Variants in TNRC6A observed in about 807,000 individuals in gnomAD.
TNRC6A encodes trinucleotide repeat containing adaptor 6A.
In TNRC6A, 44 loss-of-function variants were observed where a neutral mutation model predicts 221.2. That is an observed-to-expected ratio of 0.20 (90% CI 0.16 to 0.26). TNRC6A has a LOEUF of 0.26. Ranked by LOEUF, TNRC6A falls within the 10% of genes least tolerant of loss-of-function variation. TNRC6A has a pLI of 1.00. For missense variants in TNRC6A, 2,199 were observed against 2,404.4 expected, an observed-to-expected ratio of 0.91 and a Z score of 1.79; for synonymous variants, 847 against 838.5, an observed-to-expected ratio of 1.01 and a Z score of -0.18.
intron 11 of TNRC6A, among the ~76,000 whole-genome samples, chr16:24,802,070 G>T (rs756475589): frequency 7.9e-5 from 12 of 152,218 alleles, no homozygotes; most frequent in Non-Finnish European, 1.5e-4. Flanking sequence ...GACTGGAACA[G>T]TACTTCTTAG....
At chr16:24,663,099 T>A (rs1242627920) in intron 2 of TNRC6A, 3 of 153,780 alleles carry the variant, frequency 2.0e-5, no homozygotes, top group Non-Finnish European at 4.4e-5. Flanking sequence ...TTCAGTTTAC[T>A]CCAGAGGAAG....
chr16:24,706,236 T>C (rs917201156), intron 2 of TNRC6A, among the ~76,000 whole-genome samples: 19 of 152,312 alleles, frequency 1.2e-4, no homozygotes, highest in African/African-American at 4.1e-4. Flanking sequence ...AACCTTTAAT[T>C]TTATATCAAT....
intron 2 of TNRC6A, among the ~76,000 whole-genome samples, chr16:24,652,169 G>T (rs1368508009): frequency 6.6e-6 from 1 of 151,796 alleles, no homozygotes; most frequent in Non-Finnish European, 1.5e-5. Context: ...TAAGAAGAAC[G>T]CATGTATGTA....
rs762092889 is a variant in TNRC6A, at chr16:24,794,612, T to TGGGAAG, written c.3422_3427dup (p.Glu1142_Glu1143insGlyGlu). 3.7e-6 allele frequency: 6 copies of TGGGAAG among 1,613,976 alleles called. No individual in the cohort carries two copies. The highest frequency in any genetic ancestry group is 5.1e-6 in the Non-Finnish European group (6 of 1,179,982). On this transcript the variant is annotated inframe_insertion, in exon 8 of 25. Transcript: ENST00000395799. ...ATTGCCTGGAAATCGCCCCACTGGCTGGGAAGAGGAAGAGGATGTGGAGAT... is the reference window on the plus strand; with the variant it reads ...ATTGCCTGGAAATCGCCCCACTGGCTGGGAAGGGGAAGAGGAAGAGGATGTGGAGAT...
At chr16:24,668,965 CGTT>C (rs994391386) in intron 2 of TNRC6A, among the ~76,000 whole-genome samples, 2 of 151,824 alleles carry the variant, frequency 1.3e-5, no homozygotes, top group African/African-American at 2.4e-5. Flanking sequence ...CAATTAGTCT[CGTT>C]GTTTTTATTT....
intron 1 of TNRC6A, among the ~76,000 whole-genome samples, chr16:24,631,636 G>A (rs1330969642): frequency 6.6e-6 from 1 of 152,010 alleles, no homozygotes; most frequent in Non-Finnish European, 1.5e-5. Flanking sequence ...GCCTGGCGTG[G>A]TGGCGCACGC....
chr16:24,653,439 G>T (rs1902774079), intron 2 of TNRC6A, among the ~76,000 whole-genome samples: 1 of 152,114 alleles, frequency 6.6e-6, no homozygotes, highest in Non-Finnish European at 1.5e-5. Flanking sequence ...AAATACATCA[G>T]AAATACAAAG....
intron 14 of TNRC6A, 141 bp from the exon 15 acceptor site, chr16:24,805,464 A>C: frequency 4.1e-6 from 5 of 1,225,800 alleles, no homozygotes; most frequent in Non-Finnish European, 5.7e-6. Context: ...GTGGTCAGTT[A>C]GTAAGACAGA....
intron 11 of TNRC6A, 97 bp downstream of exon 11, chr16:24,798,063 G>A: frequency 9.5e-7 from 1 of 1,051,738 alleles, no homozygotes; most frequent in South Asian, 1.7e-5. Context: ...ATCAGGACAG[G>A]GGAGGCTGTG....
At chr16:24,815,358 T>A (rs1382437127) in intron 19 of TNRC6A, 53 bp downstream of exon 19, 1 of 1,590,960 alleles carries the variant, frequency 6.3e-7, no homozygotes, top group Non-Finnish European at 8.6e-7. Context: ...CATTAAGGTT[T>A]TGTTACATCT....
chr16:24,747,493 C>T (rs1249254807), intron 2 of TNRC6A, among the ~76,000 whole-genome samples: 2 of 151,818 alleles, frequency 1.3e-5, no homozygotes, highest in African/African-American at 4.8e-5. Context: ...GTGCATCAAA[C>T]AGGGTGGCCC....
In TNRC6A at chr16:24,789,557, C is replaced by A; in HGVS notation, c.915C>A (p.Gly305=). ...FVVGSSSNNV[G]HGSSTGPWGF... is the part of the protein sequence containing the mutation. ...TTGGTAGCAGCAGCAATAATGTGGG[C>A]CATGGAAGTAGTACTGGGCCATGGG... Residue 305 remains glycine, a synonymous_variant, in exon 6 of 25, where the codon GGC becomes GGA. Transcript: ENST00000395799. 6.2e-7 allele frequency: 1 copy of A among 1,614,004 alleles called. No individual in the cohort carries two copies. The highest frequency in any genetic ancestry group is 8.5e-7 in the Non-Finnish European group (1 of 1,180,010).
At chr16:24,792,453 A>T (rs909998476) in intron 6 of TNRC6A, among the ~76,000 whole-genome samples, 2 of 151,964 alleles carry the variant, frequency 1.3e-5, no homozygotes, top group African/African-American at 4.8e-5. Context: ...GGAAGTGGAT[A>T]TGGGAGTGCT....
rs201128052 is a variant in TNRC6A, at chr16:24,757,455, C to CG, written c.142-884_142-883insG. 9.6e-4 allele frequency among the ~76,000 whole-genome samples: 146 copies of CG among 152,320 alleles called. 3 individuals carry two copies. In the East Asian group the frequency reaches 0.021, roughly 22 times the overall value. On this transcript the variant is annotated intron_variant, in intron 3 of 24. Coordinates refer to ENST00000395799, the MANE Select transcript of TNRC6A (RefSeq NM_014494.4). ...GAAACAACAACTGGTTATTCAGTTA[C>CG]TAATTATTCAGTCTTTTCTCACCTC... is the stretch of plus-strand genomic sequence containing the variant.
chr16:24,776,438 C>T, intron 4 of TNRC6A: 1 of 985,368 alleles, frequency 1.0e-6, no homozygotes, highest in East Asian at 1.1e-4. Context: ...TGTAAGAAAA[C>T]CAGCAGGTTG....
rs1409409183 is a variant in TNRC6A, at chr16:24,729,702, G to T, written c.-140G>T. On this transcript the variant is annotated 5_prime_UTR_variant, in exon 1 of 25. Transcript: ENST00000395799. ...GGCGGTGTCGGCGGCGGCGGCGGCG[G>T]CGGCGGCGGCGGCGGCAGCGGGTCG... 95 of 1,043,162 alleles carry T rather than the reference G, an allele frequency of 9.1e-5. 1 individual carries two copies. The highest frequency in any genetic ancestry group is 1.3e-4 in the East Asian group (4 of 30,350). The allele number at this position is 1,043,162 out of a possible 1,614,324, so 64.6% of individuals were successfully genotyped here.
At chr16:24,789,149 T>C in intron 5 of TNRC6A, 83 bp from the exon 6 acceptor site, 1 of 1,333,062 alleles carries the variant, frequency 7.5e-7, no homozygotes, top group Non-Finnish European at 1.0e-6. Context: ...ATTTATAACA[T>C]ATTCGTCATT....
chr16:24,715,070 G>A (rs529165436), intron 2 of TNRC6A, among the ~76,000 whole-genome samples: 1 of 151,636 alleles, frequency 6.6e-6, no homozygotes, highest in South Asian at 2.1e-4. Flanking sequence ...TAGAGACGGG[G>A]TTTCACCGTG....
At chr16:24,670,890 A>G in intron 2 of TNRC6A, 1 of 261,290 alleles carries the variant, frequency 3.8e-6, no homozygotes, top group South Asian at 3.1e-5. Context: ...CGTTTCTCTC[A>G]CCTCCCCCAC....
Sources: gnomAD v4.1 joint callset for allele counts (sites outside exome capture counted in the v4.1 genomes callset) on GRCh38, gnomAD v4.1.1 for gene constraint, MANE v1.5 for transcripts, NCBI Gene and HGNC (gene_info 2026-07-23, HGNC 2026-07-21) for gene names.